HPSE2: variants seen among roughly 807,000 people sequenced by gnomAD.
HPSE2 encodes the protein heparanase 2 (inactive).
A neutral mutation model predicts 60.5 loss-of-function variants in HPSE2; 38 were observed. The observed-to-expected ratio is 0.63, with a 90% CI of 0.48 to 0.82. HPSE2 has a LOEUF of 0.82. HPSE2 is among the 40% of genes least tolerant of loss of function. HPSE2 has a pLI of 0.00. For synonymous variants in HPSE2, 295 were observed against 293.2 expected, an observed-to-expected ratio of 1.01 and a Z score of -0.06; for missense variants, 713 against 740.4, an observed-to-expected ratio of 0.96 and a Z score of 0.43.
At position 98,615,105 on chromosome 10, in the gene HPSE2, T is replaced by C. The variant is rs1050051036; in HGVS notation, c.1206-87A>G. On this transcript the variant is annotated intron_variant, in intron 8 of 11. Coordinates refer to ENST00000370552, the MANE Select transcript of HPSE2 (RefSeq NM_021828.5). The stretch of plus-strand genomic sequence containing the variant: ...ATAGAGACTGGCTACTATATACACA[T>C]ATACACCAATCTCCAGTCACCAAAT... 18 of 914,802 alleles carry C rather than the reference T, an allele frequency of 2.0e-5. No individual in the cohort carries two copies. The African/African-American group carries it at 2.1e-4, about 11-fold the overall frequency. The allele number at this position is 914,802 out of a possible 1,614,324, so 56.7% of individuals were successfully genotyped here. A position where few individuals can be genotyped will look rare whatever the true frequency, so the allele number is the denominator to read the frequency against.
chr10:99,090,396 G>A (rs867474694), intron 3 of HPSE2, among the ~76,000 whole-genome samples: 4 of 152,046 alleles, frequency 2.6e-5, no homozygotes, highest in Admixed American at 6.5e-5. Flanking sequence ...TGTTCTGAAC[G>A]AAGGAAGGAA....
chr10:98,638,393 T>C (rs28562009), intron 7 of HPSE2, among the ~76,000 whole-genome samples: 15,150 of 151,824 alleles, frequency 0.1, 1,268 homozygotes, highest in East Asian at 0.28. Flanking sequence ...TGCAGTGAGC[T>C]GAGATTGCGC....
intron 3 of HPSE2, among the ~76,000 whole-genome samples, chr10:98,876,230 A>G (rs985205648): frequency 1.3e-5 from 2 of 151,126 alleles, no homozygotes; most frequent in Non-Finnish European, 3.0e-5. Context: ...TTTGAGAAGT[A>G]AAAAAAAAGT....
intron 3 of HPSE2, among the ~76,000 whole-genome samples, chr10:99,058,983 C>T (rs1376234125): frequency 6.6e-6 from 1 of 152,178 alleles, no homozygotes; most frequent in African/African-American, 2.4e-5. Flanking sequence ...TAAAAGCAAC[C>T]ATAGACAATA....
the HPSE2 span, among the ~76,000 whole-genome samples, chr10:99,290,499 CTT>C: frequency 6.6e-6 from 1 of 152,198 alleles, no homozygotes; most frequent in Non-Finnish European, 1.5e-5. Context: ...GGATCCATCT[CTT>C]TACTGGAGAG....
chr10:98,815,459 G>C (rs760980769), intron 3 of HPSE2, among the ~76,000 whole-genome samples: 3 of 152,194 alleles, frequency 2.0e-5, no homozygotes, highest in Non-Finnish European at 2.9e-5. Context: ...GAAAGCAGCA[G>C]CTAAGAGGCT....
chr10:99,092,683 T>C (rs1233337402), intron 3 of HPSE2, among the ~76,000 whole-genome samples: 1 of 152,162 alleles, frequency 6.6e-6, no homozygotes, highest in Admixed American at 6.5e-5. Context: ...AGCCTAACAT[T>C]CAAAGTCAGC....
chr10:98,765,350 G>T (rs1470989082), intron 3 of HPSE2, among the ~76,000 whole-genome samples: 5 of 152,040 alleles, frequency 3.3e-5, no homozygotes, highest in East Asian at 3.8e-4. Context: ...TAACAGAAAG[G>T]TAACATCTGG....
upstream of HPSE2, among the ~76,000 whole-genome samples, chr10:99,237,538 G>C (rs74875816): frequency 4.8e-3 from 737 of 152,266 alleles, 6 homozygotes; most frequent in African/African-American, 0.016. Flanking sequence ...TCTGTGAAGC[G>C]CCATGACGAC....
At chr10:98,571,512 G>A (rs1011006418) in intron 9 of HPSE2, among the ~76,000 whole-genome samples, 4 of 152,110 alleles carry the variant, frequency 2.6e-5, no homozygotes, top group Admixed American at 6.5e-5. Flanking sequence ...GATGTAATTG[G>A]CCAACAAAAT....
At chr10:98,954,090 G>A (rs1302034505) in intron 3 of HPSE2, among the ~76,000 whole-genome samples, 1 of 152,150 alleles carries the variant, frequency 6.6e-6, no homozygotes, top group African/African-American at 2.4e-5. Flanking sequence ...TGGATCACAA[G>A]GTCAGGAGTT....
At chr10:98,976,726 C>T (rs137976899) in intron 3 of HPSE2, among the ~76,000 whole-genome samples, 5 of 145,394 alleles carry the variant, frequency 3.4e-5, no homozygotes, top group Non-Finnish European at 6.0e-5. Flanking sequence ...TGTTGCTATC[C>T]GTGGTAAGCG....
chr10:99,148,064 A>C (rs1261584332), intron 2 of HPSE2, among the ~76,000 whole-genome samples: 3 of 152,224 alleles, frequency 2.0e-5, no homozygotes, highest in Non-Finnish European at 4.4e-5. Flanking sequence ...AGTCAGTGCT[A>C]TGATATTGCT....
intron 3 of HPSE2, among the ~76,000 whole-genome samples, chr10:98,867,602 A>G (rs1472078557): frequency 6.6e-6 from 1 of 152,220 alleles, no homozygotes; most frequent in Non-Finnish European, 1.5e-5. Flanking sequence ...TCAAAAAACT[A>G]AAAATAGGCT....
At chr10:98,632,853 C>T (rs996551060) in intron 7 of HPSE2, among the ~76,000 whole-genome samples, 1 of 152,204 alleles carries the variant, frequency 6.6e-6, no homozygotes, top group African/African-American at 2.4e-5. Flanking sequence ...GATGTTATCC[C>T]GAGGTATTAA....
intron 3 of HPSE2, among the ~76,000 whole-genome samples, chr10:99,048,806 T>G (rs1957921777): frequency 6.6e-6 from 1 of 152,132 alleles, no homozygotes; most frequent in Non-Finnish European, 1.5e-5. Flanking sequence ...CTATTGAGAA[T>G]AGCAAAGTCC....
At chr10:98,822,783 C>T (rs1047996037) in intron 3 of HPSE2, among the ~76,000 whole-genome samples, 3 of 152,150 alleles carry the variant, frequency 2.0e-5, no homozygotes, top group African/African-American at 4.8e-5. Context: ...ATATTTCTAT[C>T]GGACAATGAA....
At chr10:98,543,310 A>C (rs1342856056) in intron 9 of HPSE2, among the ~76,000 whole-genome samples, 1 of 152,194 alleles carries the variant, frequency 6.6e-6, no homozygotes, top group Non-Finnish European at 1.5e-5. Context: ...GCCTGCCGTA[A>C]AAGAGCTCCC....
chr10:99,102,187 C>G (rs1417161670), intron 3 of HPSE2, among the ~76,000 whole-genome samples: 1 of 152,022 alleles, frequency 6.6e-6, no homozygotes, highest in Non-Finnish European at 1.5e-5. Flanking sequence ...ATTAATGAAT[C>G]CAGGAGCTGG....
Sources: gnomAD v4.1 joint callset for allele counts (sites outside exome capture counted in the v4.1 genomes callset) on GRCh38, gnomAD v4.1.1 for gene constraint, MANE v1.5 for transcripts, NCBI Gene and HGNC (gene_info 2026-07-23, HGNC 2026-07-21) for gene names.